The following ITIH1 variants were observed in gnomAD, a reference collection of about 807,000 sequenced individuals.
The protein encoded by ITIH1 is inter-alpha-trypsin inhibitor heavy chain 1, also known as inter-alpha-trypsin inhibitor heavy chain H1.
Under a neutral mutation model 104.6 loss-of-function variants are expected in ITIH1, and 94 were observed. That is an observed-to-expected ratio of 0.90 (90% CI 0.76 to 1.07). The LOEUF (loss-of-function observed/expected upper bound fraction) is 1.07. Among genes scored for constraint, ITIH1 ranks in the 50% least tolerant of loss-of-function variants. The probability of loss-of-function intolerance (pLI) is 0.00; values close to 1 mark genes in which losing one functional copy is unlikely to be tolerated. For synonymous variants in ITIH1, 455 were observed against 464.4 expected, an observed-to-expected ratio of 0.98 and a Z score of 0.26; for missense variants, 1,193 against 1,181.4, an observed-to-expected ratio of 1.01 and a Z score of -0.14.
At chr3:52,781,199 T>TCACCTCCTCC (rs1699025737) in intron 6 of ITIH1, among the ~76,000 whole-genome samples, 1 of 42,886 alleles carries the variant, frequency 2.3e-5, no homozygotes, top group African/African-American at 1.3e-4. Flanking sequence ...CTCCTCTTCT[T>TCACCTCCTCC]TTTTTTTTTT....
Position 52,779,139 on chromosome 3 carries a change from C to A in ITIH1, c.410+93C>A. ...GCAAGGTGGCTTTAGTGGAGAACAG[C>A]CCAGGATGATGGAAGGGTAAGCAAA... On this transcript the variant is annotated intron_variant, in intron 4 of 21. Transcript: ENST00000273283. This position sits in a 1 kb window ranked among gnomAD's most constrained non-coding sequence, Gnocchi z 4.4. 1 of 927,492 alleles carries A rather than the reference C, an allele frequency of 1.1e-6. No individual in the cohort carries two copies. The highest frequency in any genetic ancestry group is 1.8e-6 in the Non-Finnish European group (1 of 563,548). The allele number at this position is 927,492 out of a possible 1,614,324, so 57.5% of individuals were successfully genotyped here.
Position 52,779,294 on chromosome 3 carries a change from C to A in ITIH1, c.411-138C>A. ...CCTGACCCTGACCAGCCAGCTAACA[C>A]ATTTGTGAGGTCCAGGGAAACCTGG... On this transcript the variant is annotated intron_variant, in intron 4 of 21. Coordinates refer to ENST00000273283, the MANE Select transcript of ITIH1 (RefSeq NM_002215.4). This position sits in a 1 kb window ranked among gnomAD's most constrained non-coding sequence, Gnocchi z 4.4. The A allele has an allele frequency of 1.0e-6, 1 of 977,338 alleles. No homozygotes were observed. Among genetic ancestry groups the A allele is most frequent in the Non-Finnish European group, 1.6e-6 (1 of 638,746 alleles). The allele number at this position is 977,338 out of a possible 1,614,324, so 60.5% of individuals were successfully genotyped here. A position where few individuals can be genotyped will look rare whatever the true frequency, so the allele number is the denominator to read the frequency against.
Position 52,789,705 on chromosome 3 carries a change from G to T in ITIH1, c.2172G>T (p.Gln724His), listed in dbSNP as rs998498572. 6.2e-7 allele frequency: 1 copy of T among 1,614,226 alleles called. No individual in the cohort carries two copies. The highest frequency in any genetic ancestry group is 8.5e-7 in the Non-Finnish European group (1 of 1,180,032). ...GCAACAAGGCCAGGAGCCCTGGGCA[G>T]CATGACGGCACGTACTTCGGGCGGC... ...LIGNKARSPG[Q>H]HDGTYFGRLG... The change falls in exon 19 of 22, where the codon CAG becomes CAT. Residue 724 changes from glutamine to histidine, a missense_variant. Coordinates refer to ENST00000273283, the MANE Select transcript of ITIH1 (RefSeq NM_002215.4).
In ITIH1 at chr3:52,785,119, C is replaced by T. The variant is rs753374659; in HGVS notation, c.1483C>T (p.Leu495=). The change falls in exon 12 of 22, where the codon CTG becomes TTG. Residue 495 remains leucine (L), a synonymous_variant. Transcript: ENST00000273283. ...GTACCCCCAGGATGCTGTCTTGGCC[C>T]TGACCCAGAACCACCATAAACAGTA... ...LQYPQDAVLA[L]TQNHHKQYYE... is the part of the protein sequence containing the mutation. 10 of 1,614,138 alleles carry T rather than the reference C, an allele frequency of 6.2e-6. No individual in the cohort carries two copies. The highest frequency in any genetic ancestry group is 8.5e-6 in the Non-Finnish European group (10 of 1,180,026).
Position 52,785,211 on chromosome 3 carries a change from T to A in ITIH1, c.1575T>A (p.Ala525=). 6.2e-7 allele frequency: 1 copy of A among 1,614,092 alleles called. No homozygotes were observed. The highest frequency in any genetic ancestry group is 8.5e-7 in the Non-Finnish European group (1 of 1,179,988). Residue 525 remains alanine (A), a synonymous_variant, in exon 12 of 22, where the codon GCT becomes GCA. Coordinates refer to ENST00000273283, the MANE Select transcript of ITIH1 (RefSeq NM_002215.4). ...IADNKQSSFK[A]DVQAHGEGQE... is the part of the protein sequence containing the mutation. The stretch of plus-strand genomic sequence containing the variant: ...ACAACAAACAGAGCAGCTTCAAGGC[T>A]GATGTGCAGGCCCATGGGGTAAATG...
chr3:52,782,530 C>T (rs1699089596), intron 8 of ITIH1, among the ~76,000 whole-genome samples: 1 of 152,082 alleles, frequency 6.6e-6, no homozygotes, highest in South Asian at 2.1e-4. Context: ...TGGAGTTACC[C>T]CCTGGGGGAA....
In ITIH1 at chr3:52,787,214, A is replaced by G; in HGVS notation, c.1903+12A>G. ...TTCTCCGCCTTTGGGTGAGTTTTAA[A>G]TTGCATTAGTTTCAGTTCTGGGCTT... On this transcript the variant is annotated intron_variant, in intron 15 of 21. Transcript: ENST00000273283. 6.2e-7 allele frequency: 1 copy of G among 1,613,798 alleles called. No homozygotes were observed. The highest frequency in any genetic ancestry group is 2.2e-5 in the East Asian group (1 of 44,888).
At chr3:52,787,704 G>A (rs1255161336) in intron 16 of ITIH1, 92 bp downstream of exon 16, 50 of 1,385,424 alleles carry the variant, frequency 3.6e-5, no homozygotes, top group Non-Finnish European at 4.8e-5. Flanking sequence ...TGTCTTCACT[G>A]CTTGTCACTG....
chr3:52,787,578 C>A lies in ITIH1; in HGVS notation c.1904-14C>A, dbSNP rs1175019058. The A allele has an allele frequency of 6.2e-7, 1 of 1,614,036 alleles. No individual in the cohort carries two copies. Among genetic ancestry groups the A allele is most frequent in the Non-Finnish European group, 8.5e-7 (1 of 1,179,988 alleles). On this transcript the variant is annotated splice_polypyrimidine_tract_variant and intron_variant, in intron 15 of 21. Coordinates refer to ENST00000273283, the MANE Select transcript of ITIH1 (RefSeq NM_002215.4). ...GTGACACTGTCTTCGATAATATGTC[C>A]TTGTCTTCTACAGAGATGCTGGGAC... is the stretch of plus-strand genomic sequence containing the variant.
intron 18 of ITIH1, among the ~76,000 whole-genome samples, chr3:52,788,969 C>T (rs1260616758): frequency 2.0e-5 from 3 of 152,154 alleles, no homozygotes; most frequent in Non-Finnish European, 2.9e-5. Flanking sequence ...AGTCCTGCCC[C>T]ACCTTCCCCA....
rs1187401204 is a variant in ITIH1 at position 52,786,361 on chromosome 3, C to T, written c.1660C>T (p.Arg554Cys). 6.3e-6 allele frequency: 10 copies of T among 1,579,870 alleles called. No homozygotes were observed. Among genetic ancestry groups the T allele is most frequent in the South Asian group, 4.6e-5 (4 of 86,220 alleles). ...GGAGATGAAGAAACTGCTCCGAGAG[C>T]GTGGCCACATGCTGGAGAACCACGT... is the stretch of plus-strand genomic sequence containing the variant. ...EEEMKKLLRE[R>C]GHMLENHVER... Residue 554 changes from arginine to cysteine, a missense_variant, in exon 13 of 22, where the codon CGT (arginine) becomes TGT (cysteine). Coordinates refer to ENST00000273283, the MANE Select transcript of ITIH1 (RefSeq NM_002215.4).
At chr3:52,778,530 G>A (rs1211512478) in intron 3 of ITIH1, 24 bp downstream of exon 3, 1 of 1,613,120 alleles carries the variant, frequency 6.2e-7, no homozygotes, top group African/African-American at 1.3e-5. Context: ...CAACTCCCAT[G>A]CCTTCTCCCA....
intron 20 of ITIH1, 118 bp from the exon 21 acceptor site, chr3:52,791,399 C>A: frequency 1.4e-6 from 1 of 716,600 alleles, no homozygotes; most frequent in South Asian, 1.7e-5. Flanking sequence ...CAGAAACAGT[C>A]AAGCCCTGGA....
chr3:52,787,139 G>A (rs762035386), intron 14 of ITIH1, 40 bp downstream of exon 14: 2 of 1,614,182 alleles, frequency 1.2e-6, no homozygotes, highest in Non-Finnish European at 1.7e-6. Flanking sequence ...GAGGCCATGG[G>A]CCAAAAACCT....
rs1699305351 is a variant in ITIH1, at chr3:52,789,847, C to T, written c.2314C>T (p.Gln772Ter). The stretch of plus-strand genomic sequence containing the variant: ...CTGGAGGGACCAAGCTGTGCTGCGG[C>T]AGGACGGGTAACCTGCCAGGGCCTG... ...FSWRDQAVLR[Q>*]DGVVVTINKK... Residue 772 changes from glutamine (Q) to a stop codon, truncating the protein, a stop_gained, in exon 19 of 22, where the codon CAG (glutamine) becomes TAG (stop). Coordinates refer to ENST00000273283, the MANE Select transcript of ITIH1 (RefSeq NM_002215.4). LOFTEE classifies it high-confidence loss of function. 5.0e-6 allele frequency: 8 copies of T among 1,614,020 alleles called. No individual in the cohort carries two copies. Among genetic ancestry groups the T allele is most frequent in the Non-Finnish European group, 6.8e-6 (8 of 1,180,038 alleles).
Position 52,787,117 on chromosome 3 carries a change from C to T in ITIH1, c.1888+18C>T. On this transcript the variant is annotated intron_variant, in intron 14 of 21. Transcript: ENST00000273283. ...CTCAGAGGGTATAGGCTGCAGGGGT[C>T]TACAGAAGGGAGAGGCCATGGGCCA... 2 of 1,614,222 alleles carry T rather than the reference C, an allele frequency of 1.2e-6. No individual in the cohort carries two copies. The highest frequency in any genetic ancestry group is 1.1e-5 in the South Asian group (1 of 91,086).
chr3:52,778,412 G>T lies in ITIH1; in HGVS notation c.211G>T (p.Val71Phe). 1 of 1,614,208 alleles carries T rather than the reference G, an allele frequency of 6.2e-7. No individual in the cohort carries two copies. The highest frequency in any genetic ancestry group is 1.1e-5 in the South Asian group (1 of 91,086). The change falls in exon 3 of 22, where the codon GTC becomes TTC. Residue 71 changes from valine (V) to phenylalanine (F), a missense_variant. Physicochemically the swap from Val to Phe is conservative, Grantham distance 50. Transcript: ENST00000273283. ...KVTSRFAHYVVTSQVVNTANE... is the reference protein window; with the variant it reads ...KVTSRFAHYVFTSQVVNTANE... ...CACCTCTCGCTTCGCCCACTATGTT[G>T]TCACCAGCCAAGTGGTCAACACTGC...
Position 52,789,712 on chromosome 3 carries a change from G to A in ITIH1, c.2179G>A (p.Gly727Ser), listed in dbSNP as rs781622064. The A allele has an allele frequency of 2.4e-5, 38 of 1,614,216 alleles. No homozygotes were observed. Among genetic ancestry groups the A allele is most frequent in the East Asian group, 4.5e-5 (2 of 44,878 alleles). ...NKARSPGQHD[G>S]TYFGRLGIAN... is the part of the protein sequence containing the mutation. ...GGCCAGGAGCCCTGGGCAGCATGAC[G>A]GCACGTACTTCGGGCGGCTGGGAAT... is the stretch of plus-strand genomic sequence containing the variant. The change falls in exon 19 of 22, where the codon GGC becomes AGC. Residue 727 changes from glycine (G) to serine (S), a missense_variant. Physicochemically the swap from Gly to Ser is moderately conservative, Grantham distance 56. Transcript: ENST00000273283.
chr3:52,782,056 C>A lies in ITIH1; in HGVS notation c.804C>A (p.Cys268Ter), dbSNP rs752722689. ...ACGATGTCAGTCGAGACAAGATCTG[C>A]GACCTCCTGGTGAGCCCTGAGCTTC... Reference protein sequence around the residue: ...VTYDVSRDKICDLLVANNHFA... With the variant: ...VTYDVSRDKI The change falls in exon 7 of 22, where the codon TGC becomes TGA. Residue 268 changes from cysteine (C) to a stop codon, truncating the protein, a stop_gained. Transcript: ENST00000273283. LOFTEE classifies it high-confidence loss of function. 1 of 1,614,128 alleles carries A rather than the reference C, an allele frequency of 6.2e-7. No individual in the cohort carries two copies. The highest frequency in any genetic ancestry group is 1.7e-5 in the Admixed American group (1 of 60,020).
Sources: gnomAD v4.1 joint callset for allele counts (sites outside exome capture counted in the v4.1 genomes callset) on GRCh38, gnomAD v4.1.1 for gene constraint, Gnocchi (gnomAD v3.1) non-coding constraint, MANE v1.5 for transcripts, NCBI Gene and HGNC (gene_info 2026-07-23, HGNC 2026-07-21) for gene names.